NUDT8: variants seen among roughly 807,000 people sequenced by gnomAD.
NUDT8 encodes nudix hydrolase 8, also known as mitochondrial coenzyme A diphosphatase NUDT8.
In NUDT8, 14 loss-of-function variants were observed where a neutral mutation model predicts 12.5. The observed-to-expected ratio is 1.12, with a 90% CI of 0.74 to 1.75. The LOEUF (loss-of-function observed/expected upper bound fraction) is 1.75, where lower values mean the gene tolerates loss of function less well. NUDT8 is among the 40% of genes most tolerant of loss of function. NUDT8 has a pLI of 0.00. For missense variants in NUDT8, 337 were observed against 318.5 expected (o/e 1.06, Z -0.44); for synonymous variants, 163 against 156.2 (o/e 1.04, Z -0.33).
At position 67,627,954 on chromosome 11, in the gene NUDT8, C is replaced by T. The variant is rs1461180460; in HGVS notation, c.703G>A (p.Gly235Ser). The change falls in exon 4 of 4, where the codon GGT becomes AGT. Residue 235 changes from glycine (G) to serine (S), a missense_variant. By Grantham distance (56) the Gly-to-Ser change is moderately conservative (BLOSUM62 0). Coordinates refer to ENST00000376693, the MANE Select transcript of NUDT8 (RefSeq NM_001243750.2). ...CAAGAGCTCTAGAGCTGTCAAAGAC[C>T]TTTATTCAGTCCTGGAGTGGAGCTG... is the stretch of plus-strand genomic sequence containing the variant. ...QASSTPGLNK[G>S]L 6.3e-7 allele frequency: 1 copy of T among 1,582,550 alleles called. No homozygotes were observed. The highest frequency in any genetic ancestry group is 8.5e-7 in the Non-Finnish European group (1 of 1,170,214).
rs373309307 is a variant in NUDT8, at chr11:67,628,228, C to T, written c.429G>A (p.Pro143=). 51 of 1,612,646 alleles carry T rather than the reference C, an allele frequency of 3.2e-5. No individual in the cohort carries two copies. Among genetic ancestry groups the T allele is most frequent in the Middle Eastern group, 3.3e-4 (2 of 6,082 alleles). Residue 143 remains proline, a synonymous_variant, in exon 4 of 4, where the codon CCG becomes CCA. Coordinates refer to ENST00000376693, the MANE Select transcript of NUDT8 (RefSeq NM_001243750.2). ...TCTGCGTCTGCAGCAGGTGGGCCAG[C>T]GGCAGTGCAAACACCTCATCTACCT... is the stretch of plus-strand genomic sequence containing the variant. ...SEEVDEVFAL[P]LAHLLQTQNQ...
At position 67,628,198 on chromosome 11, in the gene NUDT8, C is replaced by T; in HGVS notation, c.459G>A (p.Gln153=). 1.9e-6 allele frequency: 3 copies of T among 1,611,400 alleles called. No individual in the cohort carries two copies. Among genetic ancestry groups the T allele is most frequent in the Non-Finnish European group, 2.5e-6 (3 of 1,179,840 alleles). The change falls in exon 4 of 4, where the codon CAG becomes CAA. Residue 153 remains glutamine (Q), a synonymous_variant. Transcript: ENST00000376693. The part of the protein sequence containing the change: ...PLAHLLQTQN[Q]GYTHFCRGGH... ...CACCCCGGCAGAAGTGGGTATAGCCCTGATTCTGCGTCTGCAGCAGGTGGG... is the reference window on the plus strand; with the variant it reads ...CACCCCGGCAGAAGTGGGTATAGCCTTGATTCTGCGTCTGCAGCAGGTGGG...
intron 1 of NUDT8, chr11:67,629,467 G>T: frequency 4.9e-6 from 2 of 407,686 alleles, no homozygotes; most frequent in Non-Finnish European, 8.8e-6. Flanking sequence ...TCCCGGCCCA[G>T]GCGTGCGCGC....
At chr11:67,629,219 T>A (rs938805416) in intron 1 of NUDT8, 168 bp from the exon 2 acceptor site, 1 of 638,226 alleles carries the variant, frequency 1.6e-6, no homozygotes, top group Non-Finnish European at 2.7e-6. Flanking sequence ...CCAGTTTACC[T>A]CCCTGAGCAA....
chr11:67,629,311 C>T, intron 1 of NUDT8: 1 of 456,124 alleles, frequency 2.2e-6, no homozygotes, highest in Non-Finnish European at 3.9e-6. Context: ...GGCTCAGATA[C>T]CCAAATTCGG....
chr11:67,629,716 AC>A lies in NUDT8; in HGVS notation c.194+1del. 6.6e-7 allele frequency: 1 copy of A among 1,512,968 alleles called. No individual in the cohort carries two copies. The highest frequency in any genetic ancestry group is 8.8e-7 in the Non-Finnish European group (1 of 1,132,132). The allele number at this position is 1,512,968 out of a possible 1,614,324, so 93.7% of individuals were successfully genotyped here. A position where few individuals can be genotyped will look rare whatever the true frequency, so the allele number is the denominator to read the frequency against. On this transcript the variant is annotated splice_donor_variant, in intron 1 of 3. Transcript: ENST00000376693. LOFTEE classifies it high-confidence loss of function. ...AGGGCGAGGAGTTCCCGGCCGCTGT[AC>A]CTGACGTCGCCCTTGTGCCTCCCGG... is the stretch of plus-strand genomic sequence containing the variant.
intron 1 of NUDT8, 91 bp downstream of exon 1, chr11:67,629,627 T>A: frequency 1.5e-6 from 1 of 663,286 alleles, no homozygotes; most frequent in African/African-American, 1.9e-5. Flanking sequence ...AAACCGAGGC[T>A]CGAAGGGGCT....
Position 67,629,011 on chromosome 11 carries a change from C to G in NUDT8, c.235G>C (p.Val79Leu), listed in dbSNP as rs745587907. 1.2e-6 allele frequency: 2 copies of G among 1,612,960 alleles called. No individual in the cohort carries two copies. Among genetic ancestry groups the G allele is most frequent in the Non-Finnish European group, 1.7e-6 (2 of 1,179,782 alleles). ...GKCDPADQDV[V>L]HTALRETREE... ...CGGGTTTCCCGCAGGGCCGTGTGCA[C>G]CACATCTTGGTCAGCCGGGTCGCAC... The change falls in exon 2 of 4, where the codon GTG becomes CTG. Residue 79 changes from valine to leucine, a missense_variant. Transcript: ENST00000376693.
In NUDT8 at chr11:67,629,421, G is replaced by T. The variant is rs113357548; in HGVS notation, c.194+297C>A. The T allele has an allele frequency of 7.8e-6, 3 of 385,564 alleles. No homozygotes were observed. In the East Asian group the frequency reaches 1.2e-4, roughly 15 times the overall value. The allele number at this position is 385,564 out of a possible 1,614,324, so 23.9% of individuals were successfully genotyped here. A position where few individuals can be genotyped will look rare whatever the true frequency, so the allele number is the denominator to read the frequency against. On this transcript the variant is annotated intron_variant, in intron 1 of 3. Transcript: ENST00000376693. ...TCCGTAGTCGCCGGCAGGGGGCGGC[G>T]TCCGCCCTCTAAGCGGGAAACAGCT... is the stretch of plus-strand genomic sequence containing the variant.
intron 2 of NUDT8, among the ~76,000 whole-genome samples, 158 bp from the exon 3 acceptor site, chr11:67,628,558 A>G (rs1203107218): frequency 1.3e-5 from 2 of 152,174 alleles, no homozygotes; most frequent in East Asian, 3.9e-4. Context: ...TGACTGACTC[A>G]GGTCCCCTCA....
chr11:67,629,613 G>C (rs1159390599), intron 1 of NUDT8, 105 bp downstream of exon 1: 3 of 544,074 alleles, frequency 5.5e-6, no homozygotes, highest in Non-Finnish European at 8.7e-6. Context: ...TTTTACGGAG[G>C]CGGAAACCGA....
intron 1 of NUDT8, chr11:67,629,285 G>C (rs546689836): frequency 8.5e-5 from 39 of 461,064 alleles, no homozygotes; most frequent in Non-Finnish European, 1.5e-5. Flanking sequence ...CTGCAGCAGG[G>C]GCAAGAAGAT....
chr11:67,629,059 GAC>G lies in NUDT8; in HGVS notation c.195-10_195-9del, dbSNP rs1202278059. ...CACTTGCCGCCTGGGAAACTAAACA[GAC>G]ACAAGGAGTCTGGTCCTTGGACTCT... is the stretch of plus-strand genomic sequence containing the variant. On this transcript the variant is annotated splice_polypyrimidine_tract_variant and intron_variant, in intron 1 of 3. Coordinates refer to ENST00000376693, the MANE Select transcript of NUDT8 (RefSeq NM_001243750.2). 2 of 1,607,206 alleles carry G rather than the reference GAC, an allele frequency of 1.2e-6. No homozygotes were observed. Among genetic ancestry groups the G allele is most frequent in the Non-Finnish European group, 1.7e-6 (2 of 1,176,380 alleles).
chr11:67,629,196 C>A lies in NUDT8; in HGVS notation c.195-145G>T, dbSNP rs1352947460. The A allele has an allele frequency of 6.1e-6, 5 of 823,272 alleles. No homozygotes were observed. In the South Asian group the frequency reaches 8.9e-5, roughly 15 times the overall value. 51.0% of individuals were successfully genotyped at this position (823,272 alleles called of 1,614,324 possible). On this transcript the variant is annotated intron_variant, in intron 1 of 3. Coordinates refer to ENST00000376693, the MANE Select transcript of NUDT8 (RefSeq NM_001243750.2). ...ACTGGGAGGCCCCAGGCAAGCCATG[C>A]GACCTCTGGAGGCCAGTTTACCTCC...
chr11:67,628,175 C>T lies in NUDT8; in HGVS notation c.482G>A (p.Gly161Asp), dbSNP rs111350874. Reference sequence around the variant, plus strand: ...GGGTAGTGTGTAGCGGAAGTGGCCACCCCGGCAGAAGTGGGTATAGCCCTG... The same window carrying T: ...GGGTAGTGTGTAGCGGAAGTGGCCATCCCGGCAGAAGTGGGTATAGCCCTG... Reference protein sequence around the residue: ...QNQGYTHFCRGGHFRYTLPVF... With the variant: ...QNQGYTHFCRDGHFRYTLPVF... Residue 161 changes from glycine to aspartate, a missense_variant, in exon 4 of 4, where the codon GGT (glycine) becomes GAT (aspartate). Transcript: ENST00000376693. 2.9e-5 allele frequency: 46 copies of T among 1,606,998 alleles called. No individual in the cohort carries two copies. In the African/African-American group the frequency reaches 3.9e-4, roughly 13 times the overall value.
intron 1 of NUDT8, 136 bp from the exon 2 acceptor site, chr11:67,629,187 C>A (rs1390206616): frequency 3.2e-6 from 3 of 924,350 alleles, no homozygotes; most frequent in Admixed American, 2.8e-5. Context: ...AGGCCCCAGG[C>A]AAGCCATGCG....
Position 67,629,751 on chromosome 11 carries a change from C to T in NUDT8, c.161G>A (p.Ser54Asn). Residue 54 changes from serine to asparagine, a missense_variant, in exon 1 of 4, where the codon AGC becomes AAC. By Grantham distance (46) the Ser-to-Asn change is conservative (BLOSUM62 1). Coordinates refer to ENST00000376693, the MANE Select transcript of NUDT8 (RefSeq NM_001243750.2). ...GCCCTTGTGCCTCCCGGTCAGGCGG[C>T]TGGACCGCAGCGTGTACAGCAGCGC... ...VPALLYTLRS[S>N]RLTGRHKGDV... is the part of the protein sequence containing the mutation. 6.5e-7 allele frequency: 1 copy of T among 1,544,686 alleles called. No homozygotes were observed. Among genetic ancestry groups the T allele is most frequent in the Non-Finnish European group, 8.7e-7 (1 of 1,152,248 alleles).
In NUDT8 at chr11:67,627,993, A is replaced by T; in HGVS notation, c.664T>A (p.Ser222Thr). 1.3e-6 allele frequency: 2 copies of T among 1,597,102 alleles called. No homozygotes were observed. The highest frequency in any genetic ancestry group is 1.7e-6 in the Non-Finnish European group (2 of 1,178,948). ...GLARPKQPLA[S>T]PCQASSTPGL... is the part of the protein sequence containing the mutation. ...GGAGTGGAGCTGGCCTGACAGGGTGAAGCCAGGGGCTGCTTAGGGCGGGCC... is the reference window on the plus strand; with the variant it reads ...GGAGTGGAGCTGGCCTGACAGGGTGTAGCCAGGGGCTGCTTAGGGCGGGCC... Residue 222 changes from serine (S) to threonine (T), a missense_variant, in exon 4 of 4, where the codon TCA (serine) becomes ACA (threonine). Coordinates refer to ENST00000376693, the MANE Select transcript of NUDT8 (RefSeq NM_001243750.2).
rs766871806 is a variant in NUDT8, at chr11:67,628,127, C to A, written c.530G>T (p.Arg177Leu). Residue 177 changes from arginine (R) to leucine (L), a missense_variant, in exon 4 of 4, where the codon CGG becomes CTG. By Grantham distance (102) the Arg-to-Leu change is moderately radical. Transcript: ENST00000376693. The stretch of plus-strand genomic sequence containing the variant: ...GATGACAGCTGTGAGGCCCCAGACC[C>A]GGTGTGGTCCATGCAGGAAGACGGG... ...TLPVFLHGPH[R>L]VWGLTAVITE... The A allele has an allele frequency of 1.9e-6, 3 of 1,599,376 alleles. No individual in the cohort carries two copies. The highest frequency in any genetic ancestry group is 2.5e-6 in the Non-Finnish European group (3 of 1,179,806).
Sources: gnomAD v4.1 joint callset for allele counts (sites outside exome capture counted in the v4.1 genomes callset) on GRCh38, gnomAD v4.1.1 for gene constraint, MANE v1.5 for transcripts, NCBI Gene and HGNC (gene_info 2026-07-23, HGNC 2026-07-21) for gene names.